Variants in LPO observed in about 807,000 individuals in gnomAD.
LPO encodes lactoperoxidase.
LPO carries 70 observed loss-of-function variants against 68.4 expected under a neutral mutation model. That is an observed-to-expected ratio of 1.02 (90% CI 0.84 to 1.25). The LOEUF (loss-of-function observed/expected upper bound fraction) is 1.25, where lower values mean the gene tolerates loss of function less well. LPO is among the 50% of genes most tolerant of loss of function. LPO has a pLI of 0.00. For missense variants in LPO, 873 were observed against 908.4 expected (o/e 0.96, Z 0.50); for synonymous variants, 360 against 357.6 (o/e 1.01, Z -0.08).
intron 10 of LPO, among the ~76,000 whole-genome samples, chr17:58,265,455 C>G (rs919246903): frequency 6.6e-6 from 1 of 152,020 alleles, no homozygotes; most frequent in Admixed American, 6.6e-5. Flanking sequence ...TTACTTAAAG[C>G]CTAGCAAGTC....
intron 3 of LPO, among the ~76,000 whole-genome samples, chr17:58,246,922 A>G (rs1335096732): frequency 6.6e-6 from 1 of 152,174 alleles, no homozygotes; most frequent in Non-Finnish European, 1.5e-5. Context: ...TTATACCAAT[A>G]AGGAAACTGA....
chr17:58,251,999 C>A, intron 7 of LPO, 183 bp from the exon 8 acceptor site: 1 of 765,798 alleles, frequency 1.3e-6, no homozygotes, highest in Non-Finnish European at 2.4e-6. Context: ...ATGTAATGAA[C>A]TTCAGGATAT....
At chr17:58,256,868 C>A (rs1970083262) in intron 9 of LPO, among the ~76,000 whole-genome samples, 1 of 150,812 alleles carries the variant, frequency 6.6e-6, no homozygotes, top group Non-Finnish European at 1.5e-5. Flanking sequence ...TCCTCTCAAG[C>A]ATTTATACAT....
At position 58,267,962 on chromosome 17, in the gene LPO, G is replaced by T. The variant is rs562677658; in HGVS notation, c.2107G>T (p.Asp703Tyr). 1.2e-6 allele frequency: 2 copies of T among 1,614,014 alleles called. No homozygotes were observed. Among genetic ancestry groups the T allele is most frequent in the East Asian group, 2.2e-5 (1 of 44,888 alleles). Residue 703 changes from aspartate to tyrosine, a missense_variant, in exon 13 of 13, where the codon GAC (aspartate) becomes TAC (tyrosine). By Grantham distance (160) the Asp-to-Tyr change is radical (BLOSUM62 -3). Transcript: ENST00000262290. ...GGATTGCTCAGCCATCGACAAGCTG[G>T]ACCTGTCACCCTGGGCCTCAGTGAA... is the stretch of plus-strand genomic sequence containing the variant. ...FVDCSAIDKL[D>Y]LSPWASVKN
At chr17:58,251,902 G>C (rs1969965217) in intron 7 of LPO, 1 of 690,282 alleles carries the variant, frequency 1.4e-6, no homozygotes, top group Non-Finnish European at 2.7e-6. Context: ...TTCCTGTCCA[G>C]GGAGCTCAAT....
At chr17:58,262,488 C>T (rs924436561) in intron 9 of LPO, among the ~76,000 whole-genome samples, 3 of 152,228 alleles carry the variant, frequency 2.0e-5, no homozygotes, top group African/African-American at 7.2e-5. Context: ...CTCCCGGGCT[C>T]AAGCGATTCT....
At chr17:58,248,474 G>C (rs1166481804) in intron 4 of LPO, among the ~76,000 whole-genome samples, 1 of 152,072 alleles carries the variant, frequency 6.6e-6, no homozygotes, top group Non-Finnish European at 1.5e-5. Flanking sequence ...GGGTGGATGA[G>C]GGTATGCGTT....
intron 9 of LPO, 54 bp downstream of exon 9, chr17:58,255,025 C>A: frequency 6.3e-7 from 1 of 1,580,072 alleles, no homozygotes; most frequent in Non-Finnish European, 8.6e-7. Context: ...CCACTCCTGG[C>A]TCTGCCCTCT....
rs1970317962 is a variant in LPO, at chr17:58,268,405, A to T, written c.*411A>T. On this transcript the variant is annotated 3_prime_UTR_variant, in exon 13 of 13. Coordinates refer to ENST00000262290, the MANE Select transcript of LPO (RefSeq NM_006151.3). Reference sequence around the variant, plus strand: ...CACCTAGCATGGTGCACAGCACATTAGAAGTGCTCAAAAACATCTGATGAC... The same window carrying T: ...CACCTAGCATGGTGCACAGCACATTTGAAGTGCTCAAAAACATCTGATGAC... 5.0e-6 allele frequency: 1 copy of T among 198,080 alleles called. No individual in the cohort carries two copies. 12.3% of individuals were successfully genotyped at this position (198,080 alleles called of 1,614,324 possible). A position where few individuals can be genotyped will look rare whatever the true frequency, so the allele number is the denominator to read the frequency against.
chr17:58,265,385 G>A (rs1598034093), intron 10 of LPO, among the ~76,000 whole-genome samples: 1 of 151,952 alleles, frequency 6.6e-6, no homozygotes, highest in East Asian at 1.9e-4. Flanking sequence ...CTTCATAGAG[G>A]TGCCAGAGGT....
chr17:58,248,482 G>A (rs540270705), intron 4 of LPO, among the ~76,000 whole-genome samples: 5 of 152,032 alleles, frequency 3.3e-5, no homozygotes, highest in South Asian at 4.1e-4. Context: ...GAGGGTATGC[G>A]TTCAGAAGTG....
At chr17:58,253,205 T>A (rs8178349) in intron 8 of LPO, among the ~76,000 whole-genome samples, 1 of 152,160 alleles carries the variant, frequency 6.6e-6, no homozygotes, top group Non-Finnish European at 1.5e-5. Context: ...CTATAAATAA[T>A]GCTCCAAAAC....
chr17:58,238,803 T>C (rs1969704977), intron 1 of LPO, 64 bp downstream of exon 1: 1 of 152,218 alleles, frequency 6.6e-6, no homozygotes, highest in Non-Finnish European at 1.5e-5. Flanking sequence ...TTTCCTAACG[T>C]CTTCTCAGAA....
Position 58,267,839 on chromosome 17 carries a change from C to T in LPO, c.1984C>T (p.Gln662Ter), listed in dbSNP as rs766534114. 8.1e-6 allele frequency: 13 copies of T among 1,614,146 alleles called. No individual in the cohort carries two copies. In the Admixed American group the frequency reaches 2.0e-4, roughly 25 times the overall value. The change falls in exon 13 of 13, where the codon CAG becomes TAG. Residue 662 changes from glutamine to a stop codon, truncating the protein, a stop_gained. Coordinates refer to ENST00000262290, the MANE Select transcript of LPO (RefSeq NM_006151.3). LOFTEE classifies it low-confidence loss of function (END_TRUNC). ...CACGAACGAGCAGAAGGACTCTCTA[C>T]AGAAAATGTCCTTCTCACGCCTTGT... ...VFTNEQKDSLQKMSFSRLVCD... is the reference protein window; with the variant it reads ...VFTNEQKDSL
In LPO at chr17:58,268,063, T is replaced by A. The variant is rs1381181136; in HGVS notation, c.*69T>A. On this transcript the variant is annotated 3_prime_UTR_variant, in exon 13 of 13. Transcript: ENST00000262290. ...ATTTCAAGCAAGTTCAATGACCTGG[T>A]CCCTTAGAGCTCCATATCCCAGTCC... is the stretch of plus-strand genomic sequence containing the variant. The A allele has an allele frequency of 3.7e-5, 55 of 1,490,124 alleles. No individual in the cohort carries two copies. Among genetic ancestry groups the A allele is most frequent in the Non-Finnish European group, 3.9e-5 (42 of 1,076,918 alleles). 92.3% of individuals were successfully genotyped at this position (1,490,124 alleles called of 1,614,324 possible).
intron 9 of LPO, among the ~76,000 whole-genome samples, chr17:58,255,822 G>A (rs1970059879): frequency 6.6e-6 from 1 of 152,142 alleles, no homozygotes; most frequent in Non-Finnish European, 1.5e-5. Flanking sequence ...AGTTAACAAT[G>A]ATATAAACCA....
At chr17:58,253,368 T>C (rs1970000796) in intron 8 of LPO, among the ~76,000 whole-genome samples, 2 of 152,246 alleles carry the variant, frequency 1.3e-5, no homozygotes, top group South Asian at 4.1e-4. Flanking sequence ...TTCCTGTGTT[T>C]TGTTGCTGTT....
At position 58,266,302 on chromosome 17, in the gene LPO, C is replaced by T. The variant is rs200102644; in HGVS notation, c.1669C>T (p.Arg557Cys). The T allele has an allele frequency of 2.7e-5, 43 of 1,613,968 alleles. No individual in the cohort carries two copies. The highest frequency in any genetic ancestry group is 3.3e-5 in the Admixed American group (2 of 60,000). ...GFDLAAINTQ[R>C]CRDHGQPGYN... ...TGACCTGGCTGCCATCAACACACAG[C>T]GTTGCCGGGACCATGGGCAACCTGG... The change falls in exon 11 of 13, where the codon CGT becomes TGT. Residue 557 changes from arginine to cysteine, a missense_variant. Transcript: ENST00000262290.
At chr17:58,245,906 C>T (rs8178304) in intron 3 of LPO, among the ~76,000 whole-genome samples, 3,648 of 152,316 alleles carry the variant, frequency 0.024, 145 homozygotes, top group African/African-American at 0.083. Context: ...GGCCAACCAG[C>T]GCCCTGCTTT....
Sources: gnomAD v4.1 joint callset for allele counts (sites outside exome capture counted in the v4.1 genomes callset) on GRCh38, gnomAD v4.1.1 for gene constraint, MANE v1.5 for transcripts, NCBI Gene and HGNC (gene_info 2026-07-23, HGNC 2026-07-21) for gene names.